ELMO1: variants seen among roughly 807,000 people sequenced by gnomAD.
The protein encoded by ELMO1 is engulfment and cell motility 1.
Under a neutral mutation model 98.9 loss-of-function variants are expected in ELMO1, and 26 were observed. The observed-to-expected ratio is 0.26, with a 90% CI of 0.19 to 0.36. The LOEUF is 0.36. Among genes scored for constraint, ELMO1 ranks in the 10% least tolerant of loss-of-function variants. The pLI is 1.00. For missense variants in ELMO1, 627 were observed against 935.2 expected (o/e 0.67, Z 4.30); for synonymous variants, 346 against 346.0 (o/e 1.00, Z 0.00).
At chr7:37,367,952 A>G (rs77300190) in intron 1 of ELMO1, among the ~76,000 whole-genome samples, 12,228 of 152,278 alleles carry the variant, frequency 0.08, 618 homozygotes, top group Middle Eastern at 0.12. Flanking sequence ...TGCTATCGCC[A>G]AACAGGACCA....
chr7:37,086,674 C>T (rs749125715), intron 15 of ELMO1, among the ~76,000 whole-genome samples: 9 of 131,974 alleles, frequency 6.8e-5, no homozygotes, highest in Non-Finnish European at 1.4e-4. Context: ...ACCCAGGAGG[C>T]GGAGGTTGCA....
intron 15 of ELMO1, among the ~76,000 whole-genome samples, chr7:37,063,451 T>TA (rs1020207586): frequency 3.9e-5 from 6 of 152,130 alleles, no homozygotes; most frequent in Admixed American, 1.3e-4. Context: ...TAAACAAAGT[T>TA]AAAAAAAATT....
At chr7:36,954,722 T>G (rs1788298056) in intron 16 of ELMO1, among the ~76,000 whole-genome samples, 1 of 152,198 alleles carries the variant, frequency 6.6e-6, no homozygotes, top group South Asian at 2.1e-4. Context: ...CTGATTTTAC[T>G]GGATGCACAT....
Position 37,357,278 on chromosome 7 carries a change from C to T in ELMO1, c.-73-14515G>A, listed in dbSNP as rs570347566. Among the ~76,000 whole-genome samples the T allele has an allele frequency of 3.7e-3, 566 of 152,236 alleles. 6 individuals are homozygous for T. Among genetic ancestry groups the T allele is most frequent in the African/African-American group, 0.013 (541 of 41,524 alleles). On this transcript the variant is annotated intron_variant, in intron 1 of 21. Transcript: ENST00000310758. ...TATTAAATAAATGTGTTATGCTTTT[C>T]GCTTGCTAACCTGTCTTTGGTTTCA...
At chr7:37,190,780 G>A (rs956285344) in intron 13 of ELMO1, among the ~76,000 whole-genome samples, 7 of 151,982 alleles carry the variant, frequency 4.6e-5, no homozygotes, top group Admixed American at 6.6e-5. Context: ...GTTTACAGGC[G>A]TGAGCCACTG....
chr7:37,166,165 C>A (rs1419247098), intron 13 of ELMO1, among the ~76,000 whole-genome samples: 1 of 152,190 alleles, frequency 6.6e-6, no homozygotes, highest in Non-Finnish European at 1.5e-5. Flanking sequence ...GTTTGTATTT[C>A]TGTGGGATTG....
At chr7:37,447,325 C>T (rs1449974820) in intron 1 of ELMO1, among the ~76,000 whole-genome samples, 1 of 152,182 alleles carries the variant, frequency 6.6e-6, no homozygotes, top group Non-Finnish European at 1.5e-5. Context: ...GGCCTCAACC[C>T]GTCTTAGATT....
chr7:37,184,553 C>G (rs1791082955), intron 13 of ELMO1, among the ~76,000 whole-genome samples: 1 of 152,178 alleles, frequency 6.6e-6, no homozygotes, highest in Admixed American at 6.5e-5. Flanking sequence ...AAAATTATTG[C>G]AAGCCAAGGA....
intron 13 of ELMO1, among the ~76,000 whole-genome samples, chr7:37,158,021 C>A (rs1788924342): frequency 6.6e-6 from 1 of 152,136 alleles, no homozygotes; most frequent in African/African-American, 2.4e-5. Context: ...ACCATCTGAT[C>A]TTTGACAAAC....
At chr7:36,986,174 G>A (rs1325965709) in intron 16 of ELMO1, 7 of 985,736 alleles carry the variant, frequency 7.1e-6, no homozygotes, top group Non-Finnish European at 8.4e-6. Flanking sequence ...TTATGGAGCT[G>A]GAGCCCAGGG....
intron 6 of ELMO1, among the ~76,000 whole-genome samples, chr7:37,255,678 C>T (rs1423550467): frequency 1.3e-5 from 2 of 152,122 alleles, no homozygotes; most frequent in Non-Finnish European, 2.9e-5. Flanking sequence ...GAAGTATTTG[C>T]AAATATCATT....
intron 16 of ELMO1, chr7:37,002,184 A>T (rs1448251074): frequency 6.6e-6 from 1 of 152,240 alleles, no homozygotes; most frequent in African/African-American, 2.4e-5. Flanking sequence ...CTACCAAGGT[A>T]TGTAGTTCTC....
At chr7:37,230,862 C>T (rs1424896547) in intron 8 of ELMO1, among the ~76,000 whole-genome samples, 1 of 152,194 alleles carries the variant, frequency 6.6e-6, no homozygotes, top group African/African-American at 2.4e-5. Context: ...ATTTTTTCCT[C>T]TCATAATCTA....
At chr7:37,112,482 C>T (rs1424384566) in intron 14 of ELMO1, among the ~76,000 whole-genome samples, 1 of 152,162 alleles carries the variant, frequency 6.6e-6, no homozygotes, top group Admixed American at 6.5e-5. Flanking sequence ...ATTGGCTAGG[C>T]TGGCCTTCCT....
intron 1 of ELMO1, among the ~76,000 whole-genome samples, chr7:37,407,658 C>A (rs1803829286): frequency 1.3e-5 from 2 of 152,024 alleles, no homozygotes; most frequent in African/African-American, 4.8e-5. Context: ...TAGTTGCCAG[C>A]AATATGCAGT....
chr7:37,077,314 G>A (rs1232172494), intron 15 of ELMO1, among the ~76,000 whole-genome samples: 1 of 152,310 alleles, frequency 6.6e-6, no homozygotes, highest in South Asian at 2.1e-4. Context: ...CTGAGAAGTG[G>A]GTCTGAATTG....
At chr7:36,881,044 C>T (rs185194172) in intron 18 of ELMO1, among the ~76,000 whole-genome samples, 11 of 152,226 alleles carry the variant, frequency 7.2e-5, no homozygotes, top group South Asian at 2.1e-4. Flanking sequence ...ACTACTAAAA[C>T]GATAAAAAGC....
In ELMO1 at chr7:37,369,941, G is replaced by T. The variant is rs190983739; in HGVS notation, c.-73-27178C>A. ...TCCTCCTTACTATTCGAAGCACCAG[G>T]ACTGGCTCTCTCTTTAAGTTCCCTT... is the stretch of plus-strand genomic sequence containing the variant. On this transcript the variant is annotated intron_variant, in intron 1 of 21. Transcript: ENST00000310758. Among the ~76,000 whole-genome samples the T allele has an allele frequency of 3.6e-3, 544 of 152,158 alleles. 15 individuals carry two copies. The highest frequency in any genetic ancestry group is 0.031 in the Admixed American group (472 of 15,288).
In ELMO1 at chr7:36,865,903, T is replaced by C. The variant is rs371208095; in HGVS notation, c.1906-4167A>G. 7.2e-5 allele frequency among the ~76,000 whole-genome samples: 11 copies of C among 152,348 alleles called. No individual in the cohort carries two copies. The South Asian group carries it at 2.3e-3, about 32-fold the overall frequency. On this transcript the variant is annotated intron_variant, in intron 20 of 21. Coordinates refer to ENST00000310758, the MANE Select transcript of ELMO1 (RefSeq NM_014800.11). ...GAATGGATGATGAATGAAGTAAATG[T>C]GAATAAAGGACTTTTTGGCTAAGAC... is the stretch of plus-strand genomic sequence containing the variant.
Sources: allele counts gnomAD v4.1 joint callset (sites outside exome capture counted in the v4.1 genomes callset), GRCh38; gene constraint gnomAD v4.1.1; transcripts MANE v1.5; gene names NCBI Gene and HGNC (gene_info 2026-07-23, HGNC 2026-07-21).